The following PARG variants were observed in gnomAD, a reference collection of about 807,000 sequenced individuals.
The protein encoded by PARG is poly(ADP-ribose) glycohydrolase, also known as mitochondrial poly(ADP-ribose) glycohydrolase.
PARG carries 35 observed loss-of-function variants against 113.0 expected under a neutral mutation model. That is an observed-to-expected ratio of 0.31 (90% CI 0.24 to 0.41). The LOEUF is 0.41. PARG is among the 10% of genes least tolerant of loss of function. PARG has a pLI of 1.00. For missense variants in PARG, 797 were observed against 1,169.4 expected, an observed-to-expected ratio of 0.68 and a Z score of 4.64; for synonymous variants, 330 against 409.9, an observed-to-expected ratio of 0.81 and a Z score of 2.36.
chr10:49,831,235 A>T (rs1844644876), intron 16 of PARG, among the ~76,000 whole-genome samples: 2 of 152,206 alleles, frequency 1.3e-5, no homozygotes, highest in Non-Finnish European at 2.9e-5. Flanking sequence ...TTAAAAAAAA[A>T]TAATAAATGT....
At chr10:49,908,345 A>G (rs1266156557) in intron 7 of PARG, 1 of 152,224 alleles carries the variant, frequency 6.6e-6, no homozygotes, top group Non-Finnish European at 1.5e-5. Flanking sequence ...TATTCCATAC[A>G]AATATAAAAG....
At chr10:49,941,399 G>A in intron 1 of PARG, 110 bp downstream of exon 1, 2 of 902,716 alleles carry the variant, frequency 2.2e-6, no homozygotes, top group Non-Finnish European at 3.6e-6. Context: ...CCTCAAGAGT[G>A]ACGATGCACA....
chr10:49,884,428 G>A (rs1209617014), intron 8 of PARG, among the ~76,000 whole-genome samples: 62 of 152,154 alleles, frequency 4.1e-4, no homozygotes, highest in Non-Finnish European at 7.6e-4. Context: ...CTGAATACTC[G>A]TCTCTACTAA....
intron 7 of PARG, among the ~76,000 whole-genome samples, chr10:49,896,039 A>G (rs1554842668): frequency 6.6e-6 from 1 of 152,232 alleles, no homozygotes; most frequent in African/African-American, 2.4e-5. Context: ...CTACAAACAG[A>G]AACAGTTTTA....
intron 13 of PARG, among the ~76,000 whole-genome samples, chr10:49,854,793 T>C (rs1325361619): frequency 6.7e-6 from 1 of 148,466 alleles, no homozygotes; most frequent in Non-Finnish European, 1.5e-5. Flanking sequence ...GGGACTTCAC[T>C]GGCCACACAC....
intron 4 of PARG, among the ~76,000 whole-genome samples, chr10:49,925,874 T>G (rs562521583): frequency 2.6e-5 from 4 of 152,258 alleles, no homozygotes; most frequent in African/African-American, 9.6e-5. Context: ...GCAATTTTAC[T>G]TCTGCACAGA....
chr10:49,920,576 A>ATACG (rs1837799582), intron 6 of PARG, among the ~76,000 whole-genome samples: 1 of 144,714 alleles, frequency 6.9e-6, no homozygotes, highest in African/African-American at 2.5e-5. Flanking sequence ...ATATACGTGT[A>ATACG]TATATATACA....
intron 13 of PARG, among the ~76,000 whole-genome samples, chr10:49,853,356 T>C (rs1186988681): frequency 6.6e-6 from 1 of 151,774 alleles, no homozygotes; most frequent in Non-Finnish European, 1.5e-5. Context: ...TCTTTTAAAG[T>C]ATTATTTGAT....
At chr10:49,930,184 A>T (rs1838415874) in intron 4 of PARG, among the ~76,000 whole-genome samples, 1 of 151,946 alleles carries the variant, frequency 6.6e-6, no homozygotes, top group African/African-American at 2.4e-5. Context: ...AGCATCTTCA[A>T]ATTTGATTGT....
At chr10:49,891,619 ATATATTTTTTTTTTT>A (rs1436557032) in intron 7 of PARG, among the ~76,000 whole-genome samples, 6 of 45,944 alleles carry the variant, frequency 1.3e-4, no homozygotes, top group Admixed American at 7.8e-4. Flanking sequence ...ATATATATAT[ATATATTTTTTTTTTT>A]TTTTTTTTTT....
At chr10:49,837,300 A>C (rs1844987662) in intron 15 of PARG, among the ~76,000 whole-genome samples, 1 of 152,046 alleles carries the variant, frequency 6.6e-6, no homozygotes, top group African/African-American at 2.4e-5. Flanking sequence ...AGAGATCCAT[A>C]CTGAATTCTG....
intron 15 of PARG, among the ~76,000 whole-genome samples, chr10:49,841,657 T>C (rs1554832315): frequency 6.6e-6 from 1 of 152,234 alleles, no homozygotes; most frequent in African/African-American, 2.4e-5. Flanking sequence ...CATTTGTTTC[T>C]ATATGGTTTT....
intron 7 of PARG, among the ~76,000 whole-genome samples, chr10:49,911,860 T>A (rs1837205744): frequency 6.6e-6 from 1 of 152,144 alleles, no homozygotes; most frequent in Admixed American, 6.5e-5. Flanking sequence ...ACAGAATTAA[T>A]CAAAGGAAGG....
chr10:49,887,315 T>C (rs1476839751), intron 7 of PARG, among the ~76,000 whole-genome samples: 19 of 152,204 alleles, frequency 1.2e-4, no homozygotes, highest in African/African-American at 4.6e-4. Context: ...TACTATAACA[T>C]ACTAAAAACC....
intron 7 of PARG, among the ~76,000 whole-genome samples, chr10:49,905,767 A>G (rs1482040634): frequency 3.3e-5 from 5 of 151,942 alleles, no homozygotes; most frequent in Non-Finnish European, 5.9e-5. Context: ...AAAAACAGAA[A>G]GCACAGTAGG....
intron 7 of PARG, among the ~76,000 whole-genome samples, chr10:49,897,228 G>T (rs1394971101): frequency 1.3e-5 from 2 of 152,118 alleles, no homozygotes; most frequent in Non-Finnish European, 2.9e-5. Context: ...CTTATAAAAT[G>T]AAAATATCTT....
At chr10:49,868,003 T>G (rs576136950) in intron 10 of PARG, among the ~76,000 whole-genome samples, 1 of 152,216 alleles carries the variant, frequency 6.6e-6, no homozygotes, top group African/African-American at 2.4e-5. Flanking sequence ...TTATTTATTT[T>G]TTTAGACAGA....
Position 49,820,221 on chromosome 10 carries a change from A to C in PARG, c.2720T>G (p.Leu907Trp). 6.5e-7 allele frequency: 1 copy of C among 1,544,896 alleles called. No homozygotes were observed. The highest frequency in any genetic ancestry group is 8.8e-7 in the Non-Finnish European group (1 of 1,140,684). The change falls in exon 17 of 18, where the codon TTG (leucine) becomes TGG (tryptophan). Residue 907 changes from leucine to tryptophan, a missense_variant. Transcript: ENST00000616448. ...GTGCATGCTGTAAATGTCTCTCATC[A>C]ATTCTGAGTCCCCAAAGGTGAAATA... is the stretch of plus-strand genomic sequence containing the variant. ...VVYFTFGDSELMRDIYSMHIF... is the reference protein window; with the variant it reads ...VVYFTFGDSEWMRDIYSMHIF...
chr10:49,828,197 A>G (rs782497754), intron 16 of PARG, among the ~76,000 whole-genome samples: 7 of 150,388 alleles, frequency 4.7e-5, no homozygotes, highest in Non-Finnish European at 8.9e-5. Context: ...TGAGTTTATA[A>G]GAGAGCTGAG....
Sources: allele counts gnomAD v4.1 joint callset (sites outside exome capture counted in the v4.1 genomes callset), GRCh38; gene constraint gnomAD v4.1.1; transcripts MANE v1.5; gene names NCBI Gene and HGNC (gene_info 2026-07-23, HGNC 2026-07-21).